Variants in PLEKHA5 observed in about 807,000 individuals in gnomAD.
PLEKHA5 encodes the protein pleckstrin homology domain-containing family A member 5.
In PLEKHA5, 55 loss-of-function variants were observed where a neutral mutation model predicts 181.9. The ratio of observed to expected loss-of-function variants is 0.30; its 90% CI spans 0.24 to 0.38. PLEKHA5 has a LOEUF of 0.38. PLEKHA5 is among the 10% of genes least tolerant of loss of function. The pLI is 1.00. For synonymous variants in PLEKHA5, 535 were observed against 529.4 expected, an observed-to-expected ratio of 1.01 and a Z score of -0.15; for missense variants, 1,432 against 1,549.5, an observed-to-expected ratio of 0.92 and a Z score of 1.27.
intron 8 of PLEKHA5, among the ~76,000 whole-genome samples, chr12:19,269,230 T>TA (rs1227378849): frequency 6.6e-6 from 1 of 151,790 alleles, no homozygotes; most frequent in Non-Finnish European, 1.5e-5. Flanking sequence ...TCTACTAAAA[T>TA]ACAAAAATTA....
intron 3 of PLEKHA5, among the ~76,000 whole-genome samples, chr12:19,247,431 C>T (rs2064020452): frequency 6.6e-6 from 1 of 152,100 alleles, no homozygotes; most frequent in Non-Finnish European, 1.5e-5. Flanking sequence ...TTATAAAATA[C>T]ATAAGATTGG....
intron 7 of PLEKHA5, among the ~76,000 whole-genome samples, chr12:19,261,427 G>A (rs1049793689): frequency 2.0e-5 from 3 of 152,022 alleles, no homozygotes; most frequent in Admixed American, 6.6e-5. Context: ...TTATGTAATG[G>A]CAAATGAAAA....
intron 3 of PLEKHA5, among the ~76,000 whole-genome samples, chr12:19,225,150 C>T (rs1036619098): frequency 2.0e-5 from 3 of 152,174 alleles, no homozygotes; most frequent in Non-Finnish European, 2.9e-5. Context: ...CCCATCAGTA[C>T]TTGTCCTTTT....
intron 3 of PLEKHA5, among the ~76,000 whole-genome samples, chr12:19,132,794 GT>G (rs1438522113): frequency 1.6e-5 from 1 of 61,726 alleles, no homozygotes; most frequent in Non-Finnish European, 3.6e-5. Flanking sequence ...TTTTTTTTTG[GT>G]GCTTCTGTGT....
chr12:19,191,526 G>T (rs1490320004), intron 3 of PLEKHA5, among the ~76,000 whole-genome samples: 1 of 152,164 alleles, frequency 6.6e-6, no homozygotes, highest in Non-Finnish European at 1.5e-5. Flanking sequence ...TTTTTCAACT[G>T]CTGCTGCCAA....
intron 3 of PLEKHA5, among the ~76,000 whole-genome samples, chr12:19,226,386 G>A: frequency 6.6e-6 from 1 of 152,110 alleles, no homozygotes; most frequent in South Asian, 2.1e-4. Flanking sequence ...ATTATGAATA[G>A]TATTGCTGTG....
At chr12:19,359,368 C>T in intron 27 of PLEKHA5, 44 bp from the exon 28 acceptor site, 12 of 1,557,666 alleles carry the variant, frequency 7.7e-6, no homozygotes, top group South Asian at 2.3e-5. Context: ...AATATACATG[C>T]ATGCACAGTA....
intron 3 of PLEKHA5, among the ~76,000 whole-genome samples, chr12:19,232,901 G>A (rs927379713): frequency 6.6e-6 from 1 of 152,094 alleles, no homozygotes; most frequent in South Asian, 2.1e-4. Flanking sequence ...CATGTCGATT[G>A]TCTTCCTTGG....
At chr12:19,334,066 GT>G (rs2093121710) in intron 20 of PLEKHA5, among the ~76,000 whole-genome samples, 1 of 152,124 alleles carries the variant, frequency 6.6e-6, no homozygotes, top group African/African-American at 2.4e-5. Flanking sequence ...CCACAAATAC[GT>G]AAGGTCATAT....
At chr12:19,266,323 A>G (rs566474962) in intron 8 of PLEKHA5, among the ~76,000 whole-genome samples, 1 of 151,572 alleles carries the variant, frequency 6.6e-6, no homozygotes, top group South Asian at 2.1e-4. Flanking sequence ...AAAACAAAAC[A>G]AAACCAAAAA....
At position 19,265,779 on chromosome 12, in the gene PLEKHA5, A is replaced by G. The variant is rs575401952; in HGVS notation, c.640A>G (p.Ile214Val). ...DEKEEGILGS[I>V]LLPSFQIALL... ...GAAAGAAGAGGGTATCCTGGGAAGCATACTGTTACCTAGTTTTCAGATAGC... is the reference window on the plus strand; with the variant it reads ...GAAAGAAGAGGGTATCCTGGGAAGCGTACTGTTACCTAGTTTTCAGATAGC... The change falls in exon 8 of 32, where the codon ATA becomes GTA. Residue 214 changes from isoleucine to valine, a missense_variant. Transcript: ENST00000429027. 1 of 1,593,754 alleles carries G rather than the reference A, an allele frequency of 6.3e-7. No homozygotes were observed. The highest frequency in any genetic ancestry group is 1.1e-5 in the South Asian group (1 of 90,232).
chr12:19,244,490 G>T lies in PLEKHA5; in HGVS notation c.228-9450G>T, dbSNP rs117093979. Among the ~76,000 whole-genome samples the T allele has an allele frequency of 2.6e-5, 4 of 152,352 alleles. No individual in the cohort carries two copies. In the East Asian group the frequency reaches 5.8e-4, roughly 22 times the overall value. The stretch of plus-strand genomic sequence containing the variant: ...ATTGTGGATGTGTGGCAGCTTTTGT[G>T]GGTTGGGCCTTTGCAAAAGTCCAAG... On this transcript the variant is annotated intron_variant, in intron 3 of 31. Transcript: ENST00000429027.
At chr12:19,204,772 A>G (rs2055021843) in intron 3 of PLEKHA5, among the ~76,000 whole-genome samples, 1 of 152,140 alleles carries the variant, frequency 6.6e-6, no homozygotes, top group Non-Finnish European at 1.5e-5. Context: ...TACATTGAAC[A>G]TTTCAGTTTA....
At chr12:19,343,543 A>G (rs2153183553) in intron 22 of PLEKHA5, 109 bp downstream of exon 22, 1 of 707,750 alleles carries the variant, frequency 1.4e-6, no homozygotes, top group South Asian at 1.7e-5. Flanking sequence ...ATTGTGTTGT[A>G]CAATCAGAGT....
chr12:19,216,154 C>T (rs1377086175), intron 3 of PLEKHA5, among the ~76,000 whole-genome samples: 2 of 152,098 alleles, frequency 1.3e-5, no homozygotes, highest in Admixed American at 1.3e-4. Flanking sequence ...GACAGTTTTT[C>T]CTTGAATAGA....
At chr12:19,164,206 T>C (rs1039279994) in intron 3 of PLEKHA5, among the ~76,000 whole-genome samples, 1 of 147,128 alleles carries the variant, frequency 6.8e-6, no homozygotes, top group African/African-American at 2.5e-5. Context: ...TGTTTTTTTT[T>C]TTTTTTTTTT....
intron 3 of PLEKHA5, among the ~76,000 whole-genome samples, chr12:19,247,935 AAGAGAG>A (rs59039476): frequency 5.3e-5 from 8 of 150,400 alleles, no homozygotes; most frequent in East Asian, 3.9e-4. Context: ...TTAAAAAAAA[AAGAGAG>A]AGAGAGAGAG....
intron 1 of PLEKHA5, 60 bp from the exon 2 acceptor site, chr12:19,129,991 T>C: frequency 6.8e-7 from 1 of 1,469,464 alleles, no homozygotes; most frequent in Non-Finnish European, 9.3e-7. Context: ...CTGCAGCCCC[T>C]CGGCTCGCCC....
intron 3 of PLEKHA5, among the ~76,000 whole-genome samples, chr12:19,136,722 G>A (rs1158831599): frequency 6.6e-6 from 1 of 152,180 alleles, no homozygotes; most frequent in Non-Finnish European, 1.5e-5. Context: ...AATATTTGCG[G>A]GGGTAAAATA....
Sources: allele counts gnomAD v4.1 joint callset (sites outside exome capture counted in the v4.1 genomes callset), GRCh38; gene constraint gnomAD v4.1.1; transcripts MANE v1.5; gene names NCBI Gene and HGNC (gene_info 2026-07-23, HGNC 2026-07-21).